Variants in PIP5K1C observed in about 807,000 individuals in gnomAD.
The protein encoded by PIP5K1C is phosphatidylinositol 4-phosphate 5-kinase type-1 gamma.
In PIP5K1C, 45 loss-of-function variants were observed where a neutral mutation model predicts 80.1. That is an observed-to-expected ratio of 0.56 (90% CI 0.44 to 0.72). The LOEUF is 0.72. Ranked by LOEUF, PIP5K1C falls within the 30% of genes least tolerant of loss-of-function variation. The pLI is 0.00. For synonymous variants in PIP5K1C, 498 were observed against 420.1 expected, an observed-to-expected ratio of 1.19 and a Z score of -2.27; for missense variants, 753 against 954.6, an observed-to-expected ratio of 0.79 and a Z score of 2.78.
In PIP5K1C at chr19:3,683,790, T is replaced by C. The variant is rs561145157; in HGVS notation, c.95-16437A>G. ...GTACGGAGGCCCCGGGGCAGGACCG[T>C]GTCTGGAGAGCTGGGATCAGCCCGG... On this transcript the variant is annotated intron_variant, in intron 1 of 17. Coordinates refer to ENST00000335312, the MANE Select transcript of PIP5K1C (RefSeq NM_012398.3). Among the ~76,000 whole-genome samples the C allele has an allele frequency of 3.4e-3, 525 of 152,204 alleles. 4 individuals are homozygous for C. The highest frequency in any genetic ancestry group is 0.012 in the African/African-American group (503 of 41,520).
intron 6 of PIP5K1C, among the ~76,000 whole-genome samples, 183 bp downstream of exon 6, chr19:3,656,222 C>T (rs575614794): frequency 3.9e-5 from 6 of 152,288 alleles, no homozygotes; most frequent in South Asian, 2.1e-4. Flanking sequence ...AGGGCGGCTC[C>T]TGAACACTGG....
At chr19:3,655,863 G>A (rs575004038) in intron 6 of PIP5K1C, among the ~76,000 whole-genome samples, 50 of 152,296 alleles carry the variant, frequency 3.3e-4, no homozygotes, top group East Asian at 2.1e-3. Context: ...GGCAGCCGCC[G>A]GCTCCTACTC....
intron 11 of PIP5K1C, 64 bp downstream of exon 11, chr19:3,645,910 T>A (rs1413519841): frequency 3.1e-6 from 4 of 1,298,386 alleles, no homozygotes; most frequent in African/African-American, 2.9e-5. Flanking sequence ...GAGTCCCTCC[T>A]GCCCCACGGC....
Position 3,667,327 on chromosome 19 carries a change from T to C in PIP5K1C, c.121A>G (p.Thr41Ala), listed in dbSNP as rs1327057944. 1.9e-6 allele frequency: 3 copies of C among 1,612,894 alleles called. No individual in the cohort carries two copies. The Admixed American group carries it at 5.0e-5, about 27-fold the overall frequency. ...CGTCCGCTCCAGACACTCACCTCTG[T>C]TGGGGCCGCCTTCTTCTGAGCCAAA... is the stretch of plus-strand genomic sequence containing the variant. ...AGLAQKKAAP[T>A]EVLSMTAQPG... is the part of the protein sequence containing the mutation. The change falls in exon 2 of 18, where the codon ACA becomes GCA. Residue 41 changes from threonine (T) to alanine (A), a missense_variant. This residue lies in a region of PIP5K1C where 78 missense variants were observed against 67.1 expected (regional missense o/e 1.16). Coordinates refer to ENST00000335312, the MANE Select transcript of PIP5K1C (RefSeq NM_012398.3).
At chr19:3,659,688 C>T (rs537457351) in intron 5 of PIP5K1C, among the ~76,000 whole-genome samples, 4 of 149,184 alleles carry the variant, frequency 2.7e-5, no homozygotes, top group South Asian at 2.3e-4. Context: ...TGGTGACTCC[C>T]GGGCACCTGA....
At chr19:3,678,634 G>GGATGGAGGGAGA (rs2035487412) in intron 1 of PIP5K1C, among the ~76,000 whole-genome samples, 2 of 136,060 alleles carry the variant, frequency 1.5e-5, no homozygotes, top group Non-Finnish European at 3.2e-5. Context: ...AGAGATGGAA[G>GGATGGAGGGAGA]GATGGAGGGA....
intron 1 of PIP5K1C, among the ~76,000 whole-genome samples, chr19:3,670,329 C>T (rs969470112): frequency 9.2e-5 from 14 of 152,144 alleles, no homozygotes; most frequent in African/African-American, 2.2e-4. Flanking sequence ...GAGGTCATGC[C>T]GGAGTGGGGT....
rs555253180 is a variant in PIP5K1C at position 3,633,112 on chromosome 19, G to A, written c.*55C>T. On this transcript the variant is annotated 3_prime_UTR_variant, in exon 18 of 18. Coordinates refer to ENST00000335312, the MANE Select transcript of PIP5K1C (RefSeq NM_012398.3). The stretch of plus-strand genomic sequence containing the variant: ...CCTCAGCGGGGTGGGCAGCGCCTTC[G>A]GGGGCAGCCGGAGCAGAAGTGGAGC... 6.1e-5 allele frequency: 45 copies of A among 738,778 alleles called. No homozygotes were observed. The highest frequency in any genetic ancestry group is 5.5e-4 in the African/African-American group (32 of 58,500). 45.8% of individuals were successfully genotyped at this position (738,778 alleles called of 1,614,324 possible).
At chr19:3,695,958 T>C (rs1286587747) in intron 1 of PIP5K1C, among the ~76,000 whole-genome samples, 1 of 152,088 alleles carries the variant, frequency 6.6e-6, no homozygotes, top group African/African-American at 2.4e-5. Flanking sequence ...CTCAAACTCC[T>C]GAGATCAAGT....
intron 2 of PIP5K1C, among the ~76,000 whole-genome samples, chr19:3,665,983 G>C (rs773125198): frequency 6.6e-6 from 1 of 152,016 alleles, no homozygotes; most frequent in Non-Finnish European, 1.5e-5. Context: ...CTCCACAGCC[G>C]ACGCTGCTCA....
chr19:3,642,375 G>T (rs2033998864), intron 14 of PIP5K1C, among the ~76,000 whole-genome samples: 1 of 152,368 alleles, frequency 6.6e-6, no homozygotes, highest in East Asian at 1.9e-4. Flanking sequence ...CAGTCCATGG[G>T]ATGGAAGGAC....
At chr19:3,668,525 C>T (rs1176760040) in intron 1 of PIP5K1C, 1 of 152,082 alleles carries the variant, frequency 6.6e-6, no homozygotes, top group East Asian at 1.9e-4. Context: ...TTCTCCTCTG[C>T]AGCTTGTGCT....
intron 1 of PIP5K1C, among the ~76,000 whole-genome samples, chr19:3,668,657 G>A (rs994481815): frequency 1.3e-5 from 2 of 152,218 alleles, no homozygotes; most frequent in African/African-American, 4.8e-5. Flanking sequence ...CGCACGTGCT[G>A]GCGTCCACCA....
intron 1 of PIP5K1C, among the ~76,000 whole-genome samples, chr19:3,693,458 C>T (rs773220801): frequency 2.0e-5 from 3 of 152,212 alleles, no homozygotes; most frequent in Non-Finnish European, 4.4e-5. Context: ...GGCTGTAATC[C>T]CCATGAGTAC....
chr19:3,637,989 G>T lies in PIP5K1C; in HGVS notation c.1920+895C>A. 1 of 1,526,660 alleles carries T rather than the reference G, an allele frequency of 6.6e-7. No homozygotes were observed. 94.6% of individuals were successfully genotyped at this position (1,526,660 alleles called of 1,614,324 possible). A position where few individuals can be genotyped will look rare whatever the true frequency, so the allele number is the denominator to read the frequency against. Reference sequence around the variant, plus strand: ...TTCTCCAGGGCCAGGTGGGTGCATGGGGACCCCAGAGGCGCCACTGGAGAC... The same window carrying T: ...TTCTCCAGGGCCAGGTGGGTGCATGTGGACCCCAGAGGCGCCACTGGAGAC... On this transcript the variant is annotated intron_variant, in intron 16 of 17. Coordinates refer to ENST00000335312, the MANE Select transcript of PIP5K1C (RefSeq NM_012398.3). The surrounding 1 kb of genome is among the most constrained non-coding windows in gnomAD (Gnocchi z 7.0).
rs540917764 is a variant in PIP5K1C at position 3,630,328 on chromosome 19, G to A, written c.*2839C>T. 1 of 152,516 alleles carries A rather than the reference G, an allele frequency of 6.6e-6. No homozygotes were observed. Among genetic ancestry groups the A allele is most frequent in the Non-Finnish European group, 1.5e-5 (1 of 68,030 alleles). 9.4% of individuals were successfully genotyped at this position (152,516 alleles called of 1,614,324 possible). A position where few individuals can be genotyped will look rare whatever the true frequency, so the allele number is the denominator to read the frequency against. ...AGGCGCCCACCACTCTGGGTTTGAG[G>A]GACACAGCACCCTCGTCTCGGCGCT... On this transcript the variant is annotated 3_prime_UTR_variant, in exon 18 of 18. Coordinates refer to ENST00000335312, the MANE Select transcript of PIP5K1C (RefSeq NM_012398.3).
At chr19:3,660,225 A>C (rs2034785695) in intron 5 of PIP5K1C, among the ~76,000 whole-genome samples, 1 of 152,098 alleles carries the variant, frequency 6.6e-6, no homozygotes, top group Admixed American at 6.6e-5. Context: ...CTAAAAATAC[A>C]AAAAATTAGC....
rs750488396 is a variant in PIP5K1C, at chr19:3,653,355, C to T, written c.856G>A (p.Glu286Lys). The change falls in exon 7 of 18, where the codon GAG becomes AAG. Residue 286 changes from glutamate (E) to lysine (K), a missense_variant. Glu to Lys is a moderately conservative substitution (Grantham distance 56). This residue lies in a region of PIP5K1C where 105 missense variants were observed against 133.4 expected (regional missense o/e 0.79). Transcript: ENST00000335312. ...GTGTCGGCGTCCAGCAGGAGCCCCT[C>T]GGGCATGTCCTGCATGAAGTCCAGG... ...KDLDFMQDMP[E>K]GLLLDADTFS... is the part of the protein sequence containing the mutation. The T allele has an allele frequency of 1.9e-6, 3 of 1,612,146 alleles. No homozygotes were observed. Among genetic ancestry groups the T allele is most frequent in the Admixed American group, 1.7e-5 (1 of 60,022 alleles).
chr19:3,691,134 A>G (rs1413747915), intron 1 of PIP5K1C, among the ~76,000 whole-genome samples: 2 of 152,230 alleles, frequency 1.3e-5, no homozygotes, highest in Non-Finnish European at 2.9e-5. Context: ...GAAGAGCCAC[A>G]AGGACTTTTT....
Sources: allele counts gnomAD v4.1 joint callset (sites outside exome capture counted in the v4.1 genomes callset), GRCh38; gene constraint gnomAD v4.1.1; regional missense constraint gnomAD v4.1.1; non-coding constraint Gnocchi (gnomAD v3.1); transcripts MANE v1.5; gene names NCBI Gene and HGNC (gene_info 2026-07-23, HGNC 2026-07-21).